The following RBFOX1 variants were observed in gnomAD, a reference collection of about 807,000 sequenced individuals.
The protein encoded by RBFOX1 is RNA binding fox-1 homolog 1.
RBFOX1 carries 8 observed loss-of-function variants against 57.7 expected under a neutral mutation model. The ratio of observed to expected loss-of-function variants is 0.14; its 90% confidence interval spans 0.08 to 0.25. The LOEUF is 0.25. Among genes scored for constraint, RBFOX1 ranks in the 10% least tolerant of loss-of-function variants. The pLI is 1.00. For missense variants in RBFOX1, 611 were observed against 548.5 expected, an observed-to-expected ratio of 1.11 and a Z score of -1.14; for synonymous variants, 326 against 222.4, an observed-to-expected ratio of 1.47 and a Z score of -4.15.
intron 4 of RBFOX1, among the ~76,000 whole-genome samples, chr16:7,130,590 T>C (rs1204870686): frequency 1.3e-5 from 2 of 152,158 alleles, no homozygotes; most frequent in Non-Finnish European, 2.9e-5. Context: ...AAATAATGTG[T>C]GTTGATAAGC....
At chr16:6,653,077 T>C (rs2098609963) in intron 2 of RBFOX1, among the ~76,000 whole-genome samples, 1 of 152,146 alleles carries the variant, frequency 6.6e-6, no homozygotes. Flanking sequence ...ATTTCCCCCT[T>C]GGGGCTTTGA....
intron 3 of RBFOX1, among the ~76,000 whole-genome samples, chr16:5,684,287 A>C (rs1266498666): frequency 6.6e-6 from 1 of 152,126 alleles, no homozygotes; most frequent in Non-Finnish European, 1.5e-5. Flanking sequence ...GATTTGAACT[A>C]ATAGGATATA....
At chr16:7,709,624 G>C (rs529051729) in intron 15 of RBFOX1, 4 of 1,531,334 alleles carry the variant, frequency 2.6e-6, no homozygotes, top group African/African-American at 1.4e-5. Flanking sequence ...AGTCATAGTC[G>C]CCCAGGAAAG....
intron 4 of RBFOX1, among the ~76,000 whole-genome samples, chr16:7,193,818 A>G (rs2086023621): frequency 6.6e-6 from 1 of 152,210 alleles, no homozygotes; most frequent in Non-Finnish European, 1.5e-5. Context: ...ATGGTAATGT[A>G]TTTACGTAAC....
intron 4 of RBFOX1, among the ~76,000 whole-genome samples, chr16:7,160,473 C>T (rs535403863): frequency 2.0e-5 from 3 of 152,052 alleles, no homozygotes; most frequent in African/African-American, 7.2e-5. Context: ...GTGTAACGTG[C>T]AGCATGAACT....
intron 3 of RBFOX1, among the ~76,000 whole-genome samples, chr16:5,648,619 C>T (rs2049125792): frequency 6.6e-6 from 1 of 152,004 alleles, no homozygotes; most frequent in South Asian, 2.1e-4. Flanking sequence ...AATGATCTTA[C>T]CCAACACGTC....
intron 3 of RBFOX1, among the ~76,000 whole-genome samples, chr16:5,635,983 A>G (rs2048671266): frequency 6.6e-6 from 1 of 152,062 alleles, no homozygotes; most frequent in East Asian, 1.9e-4. Flanking sequence ...CCAAGGTGGG[A>G]GGATTTCCTG....
At chr16:7,506,050 T>G (rs2073159332) in intron 4 of RBFOX1, among the ~76,000 whole-genome samples, 1 of 151,780 alleles carries the variant, frequency 6.6e-6, no homozygotes, top group Non-Finnish European at 1.5e-5. Context: ...CCGGGCATGG[T>G]GACGGGTACC....
intron 4 of RBFOX1, among the ~76,000 whole-genome samples, chr16:7,474,100 A>G (rs2062121666): frequency 6.6e-6 from 1 of 152,142 alleles, no homozygotes; most frequent in Non-Finnish European, 1.5e-5. Context: ...CAGTCTGGCC[A>G]ATACGGTGAA....
Position 7,517,223 on chromosome 16 carries a change from A to C in RBFOX1, c.28-924A>C, listed in dbSNP as rs2076566373. On this transcript the variant is annotated intron_variant, in intron 4 of 15. Transcript: ENST00000550418. Reference sequence around the variant, plus strand: ...ACTGTGGAGGAGGAGGTAAAGAGAGAGAGCTGTTTCCTGAAATGGAAGCAT... The same window carrying C: ...ACTGTGGAGGAGGAGGTAAAGAGAGCGAGCTGTTTCCTGAAATGGAAGCAT... 3.3e-5 allele frequency among the ~76,000 whole-genome samples: 5 copies of C among 150,754 alleles called. No homozygotes were observed. The South Asian group carries it at 1.1e-3, about 32-fold the overall frequency.
intron 3 of RBFOX1, among the ~76,000 whole-genome samples, chr16:5,801,976 A>G (rs1003901195): frequency 1.2e-4 from 19 of 152,136 alleles, no homozygotes; most frequent in African/African-American, 4.3e-4. Flanking sequence ...TGCTGGGGCC[A>G]TCACTCTGCC....
intron 2 of RBFOX1, among the ~76,000 whole-genome samples, chr16:5,488,334 A>G (rs111067666): frequency 0.83 from 106,937 of 128,454 alleles, 44,881 homozygotes; most frequent in African/African-American, 0.94. Context: ...GGATAATGAT[A>G]GAGATGAAAG....
At chr16:7,121,736 C>G (rs2067229927) in intron 4 of RBFOX1, among the ~76,000 whole-genome samples, 1 of 151,596 alleles carries the variant, frequency 6.6e-6, no homozygotes, top group Non-Finnish European at 1.5e-5. Context: ...ACTAGAATAT[C>G]CAAAATAAAG....
At chr16:6,951,124 C>G (rs528342720) in intron 3 of RBFOX1, among the ~76,000 whole-genome samples, 7 of 152,204 alleles carry the variant, frequency 4.6e-5, no homozygotes, top group African/African-American at 9.6e-5. Flanking sequence ...CCAGGCTGGT[C>G]TTAAACTCCT....
At chr16:7,094,764 GTGTGTGT>G (rs2061416245) in intron 4 of RBFOX1, among the ~76,000 whole-genome samples, 5 of 139,968 alleles carry the variant, frequency 3.6e-5, no homozygotes, top group African/African-American at 1.2e-4. Flanking sequence ...GTGTGTGTGT[GTGTGTGT>G]GTGTGGGTGT....
At chr16:5,586,892 C>G (rs2046848553) in intron 2 of RBFOX1, among the ~76,000 whole-genome samples, 1 of 152,196 alleles carries the variant, frequency 6.6e-6, no homozygotes, top group Admixed American at 6.5e-5. Context: ...TGCTGACACT[C>G]TTAGCTGCTC....
At chr16:7,431,226 ATTG>A (rs529334818) in intron 4 of RBFOX1, 1 of 151,914 alleles carries the variant, frequency 6.6e-6, no homozygotes, top group East Asian at 1.9e-4. Context: ...TTTTATTATT[ATTG>A]TTGTTGTTAT....
At position 6,719,628 on chromosome 16, in the gene RBFOX1, A is replaced by G. The variant is rs569887494; in HGVS notation, c.-16+64978A>G. Among the ~76,000 whole-genome samples, 47 of 149,498 alleles carry G rather than the reference A, an allele frequency of 3.1e-4. 1 individual carries two copies. Among genetic ancestry groups the G allele is most frequent in the African/African-American group, 1.1e-3 (45 of 40,636 alleles). On this transcript the variant is annotated intron_variant, in intron 3 of 15. Transcript: ENST00000550418. The stretch of plus-strand genomic sequence containing the variant: ...GCTAATTTTTTTTTTTTGTATTTTT[A>G]GTAGAGATGGGGTTTCACCATGTTA...
At chr16:5,900,377 A>G (rs1362797292) in intron 4 of RBFOX1, among the ~76,000 whole-genome samples, 1 of 152,198 alleles carries the variant, frequency 6.6e-6, no homozygotes, top group Non-Finnish European at 1.5e-5. Flanking sequence ...AGCAGAGAGA[A>G]TTGTACATGC....
Sources: allele counts gnomAD v4.1 joint callset (sites outside exome capture counted in the v4.1 genomes callset), GRCh38; gene constraint gnomAD v4.1.1; transcripts MANE v1.5; gene names NCBI Gene and HGNC (gene_info 2026-07-23, HGNC 2026-07-21).